Variants in BLK observed in about 807,000 individuals in gnomAD.
The protein encoded by BLK is BLK proto-oncogene, Src family tyrosine kinase.
A neutral mutation model predicts 61.8 loss-of-function variants in BLK; 64 were observed. That is an observed-to-expected ratio of 1.03 (90% CI 0.85 to 1.27). The LOEUF is 1.27. BLK is among the 50% of genes most tolerant of loss of function. BLK has a pLI of 0.00. For missense variants in BLK, 853 were observed against 660.5 expected (o/e 1.29, Z -3.19); for synonymous variants, 351 against 272.0 (o/e 1.29, Z -2.86).
intron 1 of BLK, among the ~76,000 whole-genome samples, chr8:11,498,379 T>A (rs1798434335): frequency 6.6e-6 from 1 of 152,220 alleles, no homozygotes. Flanking sequence ...CTGAGCTCCG[T>A]GAACTTGTAA....
intron 1 of BLK, among the ~76,000 whole-genome samples, chr8:11,505,838 T>A (rs767259151): frequency 6.6e-6 from 1 of 152,190 alleles, no homozygotes; most frequent in Non-Finnish European, 1.5e-5. Flanking sequence ...CCCTGAGGAC[T>A]CCCTGGCACA....
At chr8:11,505,077 T>G (rs1463045069) in intron 1 of BLK, among the ~76,000 whole-genome samples, 1 of 151,982 alleles carries the variant, frequency 6.6e-6, no homozygotes, top group Non-Finnish European at 1.5e-5. Context: ...TAGAAATACC[T>G]AGACACAGAG....
In BLK at chr8:11,564,409, C is replaced by T; in HGVS notation, c.*301C>T. The T allele has an allele frequency of 1.6e-6, 1 of 628,174 alleles. No individual in the cohort carries two copies. The highest frequency in any genetic ancestry group is 3.0e-6 in the Non-Finnish European group (1 of 336,972). The allele number at this position is 628,174 out of a possible 1,614,324, so 38.9% of individuals were successfully genotyped here. ...GTGTTCAGGACTGGTAAGCGACTGT[C>T]ATCAAGTAAGGCCCCCGTGCTGGGC... On this transcript the variant is annotated 3_prime_UTR_variant, in exon 13 of 13. Transcript: ENST00000259089.
chr8:11,511,672 G>C (rs1270782892), intron 1 of BLK, among the ~76,000 whole-genome samples: 1 of 152,138 alleles, frequency 6.6e-6, no homozygotes, highest in Non-Finnish European at 1.5e-5. Flanking sequence ...AAAACTAGCA[G>C]TCTTTAAAGG....
At chr8:11,549,694 T>C (rs1237638654) in intron 5 of BLK, among the ~76,000 whole-genome samples, 2 of 152,194 alleles carry the variant, frequency 1.3e-5, no homozygotes, top group African/African-American at 2.4e-5. Context: ...GCCCCGCTTC[T>C]TTCCCTGGAA....
Position 11,546,503 on chromosome 8 carries a change from T to G in BLK, c.175+400T>G, listed in dbSNP as rs558291540. On this transcript the variant is annotated intron_variant, in intron 3 of 12. Coordinates refer to ENST00000259089, the MANE Select transcript of BLK (RefSeq NM_001715.3). ...TCTATGTGGAGGGCACCTTCTTGTT[T>G]CCCGCTCCCAGTCACTTCGAGAGTC... Among the ~76,000 whole-genome samples the G allele has an allele frequency of 2.4e-3, 362 of 152,134 alleles. 4 individuals are homozygous for G. Among genetic ancestry groups the G allele is most frequent in the African/African-American group, 8.4e-3 (350 of 41,514 alleles).
rs886062600 is a variant in BLK, at chr8:11,564,432, G to A, written c.*324G>A. ...GTCATCAAGTAAGGCCCCCGTGCTG[G>A]GCACCCCCCGTGCTGGCCGCGTCCC... On this transcript the variant is annotated 3_prime_UTR_variant, in exon 13 of 13. Transcript: ENST00000259089. 21 of 585,630 alleles carry A rather than the reference G, an allele frequency of 3.6e-5. No homozygotes were observed. The highest frequency in any genetic ancestry group is 6.1e-5 in the Non-Finnish European group (19 of 309,782). 36.3% of individuals were successfully genotyped at this position (585,630 alleles called of 1,614,324 possible).
intron 1 of BLK, among the ~76,000 whole-genome samples, chr8:11,497,456 T>A (rs551454997): frequency 1.3e-5 from 2 of 152,198 alleles, no homozygotes; most frequent in South Asian, 4.2e-4. Context: ...CCCAAGCCCA[T>A]TTGTGTGTCC....
intron 1 of BLK, among the ~76,000 whole-genome samples, chr8:11,539,484 A>G (rs1800278164): frequency 2.0e-5 from 3 of 152,132 alleles, no homozygotes; most frequent in African/African-American, 7.2e-5. Flanking sequence ...AACTATTACT[A>G]CAACAAACAT....
At chr8:11,504,625 G>A (rs1038246117) in intron 1 of BLK, among the ~76,000 whole-genome samples, 1 of 152,204 alleles carries the variant, frequency 6.6e-6, no homozygotes, top group Admixed American at 6.5e-5. Flanking sequence ...ATTGCAGGCG[G>A]GAGGGGCTAC....
chr8:11,498,415 T>TA (rs1354056089), intron 1 of BLK, among the ~76,000 whole-genome samples: 1 of 152,204 alleles, frequency 6.6e-6, no homozygotes, highest in Non-Finnish European at 1.5e-5. Context: ...GGTGGGTACT[T>TA]ACAGTTTTTG....
intron 1 of BLK, among the ~76,000 whole-genome samples, chr8:11,520,349 T>C (rs1280497260): frequency 6.6e-6 from 1 of 151,464 alleles, no homozygotes; most frequent in Non-Finnish European, 1.5e-5. Context: ...TGGTGGTGCA[T>C]GCCTGTAGTC....
intron 1 of BLK, among the ~76,000 whole-genome samples, chr8:11,525,212 G>A (rs1799609881): frequency 1.3e-5 from 2 of 152,166 alleles, no homozygotes; most frequent in African/African-American, 4.8e-5. Context: ...TTAAGTAATT[G>A]CTTGTCTGTT....
intron 1 of BLK, among the ~76,000 whole-genome samples, chr8:11,535,294 AAG>A (rs1800078796): frequency 6.9e-6 from 1 of 145,686 alleles, no homozygotes; most frequent in Non-Finnish European, 1.5e-5. Flanking sequence ...GAAAGAAAGA[AAG>A]AAAGAAAGAA....
At chr8:11,552,063 G>A (rs909780463) in intron 6 of BLK, among the ~76,000 whole-genome samples, 1 of 152,224 alleles carries the variant, frequency 6.6e-6, no homozygotes, top group Non-Finnish European at 1.5e-5. Flanking sequence ...GAGGAGGAAA[G>A]GGAGAGAGAG....
chr8:11,531,076 C>T (rs1248136477), intron 1 of BLK, among the ~76,000 whole-genome samples: 1 of 152,098 alleles, frequency 6.6e-6, no homozygotes, highest in Non-Finnish European at 1.5e-5. Flanking sequence ...GTTTTAGTTG[C>T]CATTCCCCTA....
chr8:11,513,321 A>G (rs988149739), intron 1 of BLK, among the ~76,000 whole-genome samples: 2 of 152,176 alleles, frequency 1.3e-5, no homozygotes, highest in African/African-American at 2.4e-5. Context: ...AGCAATGAAG[A>G]CCTTGGTGAT....
At position 11,546,349 on chromosome 8, in the gene BLK, C is replaced by G. The variant is rs186658169; in HGVS notation, c.175+246C>G. Among the ~76,000 whole-genome samples the G allele has an allele frequency of 8.7e-4, 132 of 152,304 alleles. 1 individual carries two copies. Among genetic ancestry groups the G allele is most frequent in the Admixed American group, 6.1e-3 (93 of 15,312 alleles). On this transcript the variant is annotated intron_variant, in intron 3 of 12. Coordinates refer to ENST00000259089, the MANE Select transcript of BLK (RefSeq NM_001715.3). The stretch of plus-strand genomic sequence containing the variant: ...CATGAAAGACTTTACAAACTGTAAA[C>G]AAGAACAAAAACAAGAGTCCCAGGG...
At chr8:11,495,586 A>T (rs1210035774) in intron 1 of BLK, among the ~76,000 whole-genome samples, 1 of 139,874 alleles carries the variant, frequency 7.1e-6, no homozygotes, top group African/African-American at 2.5e-5. Flanking sequence ...ACATCAGACA[A>T]ATCCAAACTG....
Sources: gnomAD v4.1 joint callset for allele counts (sites outside exome capture counted in the v4.1 genomes callset) on GRCh38, gnomAD v4.1.1 for gene constraint, MANE v1.5 for transcripts, NCBI Gene and HGNC (gene_info 2026-07-23, HGNC 2026-07-21) for gene names.